Variants in RBFOX1 observed in about 807,000 individuals in gnomAD.
The protein encoded by RBFOX1 is RNA binding fox-1 homolog 1, also known as RNA binding protein fox-1 homolog 1.
RBFOX1 carries 8 observed loss-of-function variants against 57.7 expected under a neutral mutation model. That is an observed-to-expected ratio of 0.14 (90% CI 0.08 to 0.25). The LOEUF is 0.25. Among genes scored for constraint, RBFOX1 ranks in the 10% least tolerant of loss-of-function variants. The pLI is 1.00. For missense variants in RBFOX1, 611 were observed against 548.5 expected (o/e 1.11, Z -1.14); for synonymous variants, 326 against 222.4 (o/e 1.47, Z -4.15).
intron 4 of RBFOX1, among the ~76,000 whole-genome samples, chr16:7,365,766 C>T (rs1011395386): frequency 6.6e-6 from 1 of 152,170 alleles, no homozygotes; most frequent in Admixed American, 6.5e-5. Flanking sequence ...GAGATGTAAA[C>T]ACAACTCAAG....
chr16:5,434,317 CTTTTT>C (rs5815245), intron 1 of RBFOX1, among the ~76,000 whole-genome samples: 6 of 79,732 alleles, frequency 7.5e-5, no homozygotes, highest in Admixed American at 1.9e-4. Flanking sequence ...TGCTGAAGTC[CTTTTT>C]TTTTTTTTTT....
intron 3 of RBFOX1, among the ~76,000 whole-genome samples, chr16:5,608,139 A>G (rs542034065): frequency 3.3e-4 from 50 of 152,322 alleles, no homozygotes; most frequent in African/African-American, 1.2e-3. Context: ...AGCAATGACT[A>G]TGAATCCCAC....
chr16:6,759,342 T>C (rs948170589), intron 3 of RBFOX1, among the ~76,000 whole-genome samples: 34 of 151,922 alleles, frequency 2.2e-4, no homozygotes, highest in Middle Eastern at 6.8e-3. Flanking sequence ...GTAGAGACAG[T>C]GTTTAGTCGT....
chr16:5,991,037 G>A (rs1245130799), intron 4 of RBFOX1, among the ~76,000 whole-genome samples: 1 of 151,338 alleles, frequency 6.6e-6, no homozygotes, highest in Non-Finnish European at 1.5e-5. Flanking sequence ...TAAAAAAAAT[G>A]TTTTAATGGA....
At chr16:5,596,713 C>G (rs74007227) in intron 2 of RBFOX1, among the ~76,000 whole-genome samples, 5,479 of 152,238 alleles carry the variant, frequency 0.036, 335 homozygotes, top group African/African-American at 0.12. Flanking sequence ...TAAAGTGGGA[C>G]TGAAAAGAAA....
chr16:6,816,304 G>A (rs534284276), intron 3 of RBFOX1, among the ~76,000 whole-genome samples: 6 of 152,108 alleles, frequency 3.9e-5, no homozygotes, highest in African/African-American at 1.4e-4. Flanking sequence ...GTAAGACCTT[G>A]TTGCAATCAA....
At chr16:7,321,237 T>C (rs980267048) in intron 4 of RBFOX1, among the ~76,000 whole-genome samples, 2 of 152,078 alleles carry the variant, frequency 1.3e-5, no homozygotes, top group East Asian at 3.9e-4. Flanking sequence ...CTCTGGCTCC[T>C]GGGTTAAAGC....
At chr16:5,752,417 C>A (rs1000329003) in intron 3 of RBFOX1, among the ~76,000 whole-genome samples, 10 of 152,180 alleles carry the variant, frequency 6.6e-5, no homozygotes, top group African/African-American at 2.4e-4. Context: ...GCACATGTAT[C>A]CTTTAACTTA....
At chr16:7,111,372 T>G (rs995534342) in intron 4 of RBFOX1, among the ~76,000 whole-genome samples, 2 of 152,238 alleles carry the variant, frequency 1.3e-5, no homozygotes, top group Non-Finnish European at 2.9e-5. Context: ...CCTACCATTT[T>G]TTCCTCATAG....
chr16:6,362,214 G>C (rs1291801787), intron 2 of RBFOX1, among the ~76,000 whole-genome samples: 4 of 141,724 alleles, frequency 2.8e-5, no homozygotes, highest in Non-Finnish European at 4.6e-5. Flanking sequence ...ACTAAAATTT[G>C]ATGTAATCGA....
At chr16:7,657,463 C>T (rs2066595555) in intron 12 of RBFOX1, among the ~76,000 whole-genome samples, 2 of 152,190 alleles carry the variant, frequency 1.3e-5, no homozygotes, top group South Asian at 4.1e-4. Context: ...CGCCACCACA[C>T]CTGGCTAATT....
chr16:5,813,526 C>G (rs570774926), intron 3 of RBFOX1, among the ~76,000 whole-genome samples: 43 of 152,330 alleles, frequency 2.8e-4, no homozygotes, highest in African/African-American at 1.0e-3. Context: ...AAACCTTGTA[C>G]ATACCATGCT....
chr16:5,762,534 A>C (rs928116635), intron 3 of RBFOX1, among the ~76,000 whole-genome samples: 1 of 152,174 alleles, frequency 6.6e-6, no homozygotes, highest in Non-Finnish European at 1.5e-5. Flanking sequence ...TTGTGCTTTG[A>C]CCCGGCAATT....
At chr16:6,984,418 C>G (rs928734481) in intron 3 of RBFOX1, among the ~76,000 whole-genome samples, 1 of 152,108 alleles carries the variant, frequency 6.6e-6, no homozygotes, top group Non-Finnish European at 1.5e-5. Context: ...CTAGGGGTAT[C>G]TCCAGTGAGA....
At chr16:6,127,277 C>CTT (rs567515900) in intron 1 of RBFOX1, among the ~76,000 whole-genome samples, 12 of 147,640 alleles carry the variant, frequency 8.1e-5, no homozygotes, top group East Asian at 4.0e-4. Flanking sequence ...TTGTCTCTCT[C>CTT]TTTTTTTAAA....
At chr16:5,512,819 C>T (rs1344411348) in intron 2 of RBFOX1, among the ~76,000 whole-genome samples, 1 of 152,160 alleles carries the variant, frequency 6.6e-6, no homozygotes, top group Non-Finnish European at 1.5e-5. Context: ...TTAGTTCTTG[C>T]CTCATGTCTG....
intron 1 of RBFOX1, among the ~76,000 whole-genome samples, chr16:6,223,602 C>G (rs143668116): frequency 0.033 from 4,994 of 152,172 alleles, 115 homozygotes; most frequent in Middle Eastern, 0.058. Context: ...TGGATATCAG[C>G]CCTTTGTCAG....
chr16:7,668,674 A>C (rs550372898), intron 13 of RBFOX1, among the ~76,000 whole-genome samples: 1 of 151,952 alleles, frequency 6.6e-6, no homozygotes, highest in Non-Finnish European at 1.5e-5. Context: ...ACACACACAC[A>C]CACACACTTT....
chr16:6,746,529 T>C (rs1007551030), intron 3 of RBFOX1, among the ~76,000 whole-genome samples: 1 of 151,764 alleles, frequency 6.6e-6, no homozygotes, highest in Non-Finnish European at 1.5e-5. Flanking sequence ...ATACAAAAAA[T>C]TGCCGGGCAT....
Sources: allele counts gnomAD v4.1 joint callset (sites outside exome capture counted in the v4.1 genomes callset), GRCh38; gene constraint gnomAD v4.1.1; transcripts MANE v1.5; gene names NCBI Gene and HGNC (gene_info 2026-07-23, HGNC 2026-07-21).